The following FAM234A variants were observed in gnomAD, a reference collection of about 807,000 sequenced individuals.
The protein encoded by FAM234A is protein FAM234A.
Under a neutral mutation model 49.1 loss-of-function variants are expected in FAM234A, and 42 were observed. The observed-to-expected ratio is 0.86, with a 90% CI of 0.67 to 1.11. FAM234A has a LOEUF of 1.11. Among genes scored for constraint, FAM234A ranks in the 50% least tolerant of loss-of-function variants. The pLI is 0.00. For synonymous variants in FAM234A, 369 were observed against 316.2 expected, an observed-to-expected ratio of 1.17 and a Z score of -1.77; for missense variants, 815 against 745.2, an observed-to-expected ratio of 1.09 and a Z score of -1.09.
intron 1 of FAM234A, among the ~76,000 whole-genome samples, chr16:235,507 GGA>G (rs2050368638): frequency 1.3e-5 from 2 of 152,160 alleles, no homozygotes; most frequent in East Asian, 1.9e-4. Context: ...GAGTTGTCAA[GGA>G]GAGAGTTTGC....
At chr16:242,760 A>G (rs1282606001) in intron 1 of FAM234A, among the ~76,000 whole-genome samples, 1 of 151,356 alleles carries the variant, frequency 6.6e-6, no homozygotes, top group Non-Finnish European at 1.5e-5. Context: ...TTACTGATGC[A>G]CATCACCACG....
In FAM234A at chr16:265,515, T is replaced by C. The variant is rs2051663746; in HGVS notation, c.*493T>C. The C allele has an allele frequency of 3.0e-6, 3 of 986,980 alleles. No individual in the cohort carries two copies. Among genetic ancestry groups the C allele is most frequent in the East Asian group, 1.1e-4 (1 of 8,822 alleles). The allele number at this position is 986,980 out of a possible 1,614,324, so 61.1% of individuals were successfully genotyped here. On this transcript the variant is annotated 3_prime_UTR_variant, in exon 13 of 13. Coordinates refer to ENST00000399932, the MANE Select transcript of FAM234A (RefSeq NM_032039.4). ...CTGTGCTCTGTCCCCCAAGGAGTCATGGAACTCAGGGTACTGGGCCTCAAC... is the reference window on the plus strand; with the variant it reads ...CTGTGCTCTGTCCCCCAAGGAGTCACGGAACTCAGGGTACTGGGCCTCAAC...
At position 260,064 on chromosome 16, in the gene FAM234A, G is replaced by A. The variant is rs755440425; in HGVS notation, c.481G>A (p.Glu161Lys). Residue 161 changes from glutamate to lysine, a missense_variant, in exon 5 of 13, where the codon GAG becomes AAG. By Grantham distance (56) the Glu-to-Lys change is moderately conservative. Transcript: ENST00000399932. The part of the protein sequence containing the change: ...RPVAQDVALV[E>K]CAVPQPRGSE... Reference sequence around the variant, plus strand: ...TGTGGCCCAAGACGTGGCCCTCGTGGAGTGTGCTGTGCCCCAGCCAAGAGG... The same window carrying A: ...TGTGGCCCAAGACGTGGCCCTCGTGAAGTGTGCTGTGCCCCAGCCAAGAGG... 4 of 1,613,820 alleles carry A rather than the reference G, an allele frequency of 2.5e-6. No homozygotes were observed. In the South Asian group the frequency reaches 4.4e-5, roughly 18 times the overall value.
chr16:269,536 G>A, downstream of FAM234A: 1 of 1,613,404 alleles, frequency 6.2e-7, no homozygotes, highest in Non-Finnish European at 8.5e-7. Flanking sequence ...CCCAGCCTCT[G>A]CCAGGAGGGC....
intron 10 of FAM234A, 100 bp downstream of exon 10, chr16:263,875 A>T (rs1311050685): frequency 7.2e-7 from 1 of 1,387,130 alleles, no homozygotes; most frequent in African/African-American, 1.4e-5. Context: ...TGCTGCCGTC[A>T]GAGCTGCTGA....
chr16:266,409 C>T (rs75369951), downstream of FAM234A, among the ~76,000 whole-genome samples: 161 of 152,276 alleles, frequency 1.1e-3, 1 homozygote, highest in East Asian at 0.02. Flanking sequence ...CACCGCGTGA[C>T]GTCTGAGGGC....
rs527355886 is a variant in FAM234A, at chr16:236,353, A to G, written c.-140+1496A>G. The stretch of plus-strand genomic sequence containing the variant: ...TTAAAAATTTTTTTTGGGTGGGCGC[A>G]GTGGCTCATGCCTGTAATCCCAGCA... On this transcript the variant is annotated intron_variant, in intron 1 of 12. Transcript: ENST00000399932. Among the ~76,000 whole-genome samples the G allele has an allele frequency of 6.9e-4, 104 of 151,368 alleles. 1 individual carries two copies. Among genetic ancestry groups the G allele is most frequent in the Admixed American group, 2.2e-3 (34 of 15,200 alleles).
At chr16:245,095 C>T (rs1199891951) in intron 1 of FAM234A, among the ~76,000 whole-genome samples, 1 of 152,028 alleles carries the variant, frequency 6.6e-6, no homozygotes, top group African/African-American at 2.4e-5. Context: ...CTGGGCGTGG[C>T]CCACACTTTG....
chr16:267,043 T>C (rs1242766519), downstream of FAM234A, among the ~76,000 whole-genome samples: 1 of 152,068 alleles, frequency 6.6e-6, no homozygotes, highest in Non-Finnish European at 1.5e-5. Flanking sequence ...CCATTGCTGG[T>C]GGGCAGAAGT....
intron 11 of FAM234A, among the ~76,000 whole-genome samples, chr16:264,385 G>C (rs904927211): frequency 6.6e-6 from 1 of 152,254 alleles, no homozygotes; most frequent in Non-Finnish European, 1.5e-5. Context: ...GGTGGATAGG[G>C]GCGCACACAG....
chr16:259,595 C>T lies in FAM234A; in HGVS notation c.381C>T (p.Asp127=), dbSNP rs749916631. ...ACAATTTCAGCCGATCCTGTGTGGACGAAGGTAATTTCATTTTATATGAAA... is the reference window on the plus strand; with the variant it reads ...ACAATTTCAGCCGATCCTGTGTGGATGAAGGTAATTTCATTTTATATGAAA... ...SSNNFSRSCV[D]EGFSSPCTFA... Residue 127 remains aspartate, a synonymous_variant, in exon 4 of 13, where the codon GAC becomes GAT. Coordinates refer to ENST00000399932, the MANE Select transcript of FAM234A (RefSeq NM_032039.4). The T allele has an allele frequency of 2.1e-5, 33 of 1,580,038 alleles. No homozygotes were observed. Among genetic ancestry groups the T allele is most frequent in the Non-Finnish European group, 2.6e-5 (30 of 1,150,430 alleles).
intron 1 of FAM234A, among the ~76,000 whole-genome samples, chr16:237,079 A>T (rs8050592): frequency 0.69 from 102,806 of 149,274 alleles, 35,576 homozygotes; most frequent in African/African-American, 0.81. Flanking sequence ...GTATTTTTTT[A>T]AAAAAATATG....
intron 11 of FAM234A, 36 bp from the exon 12 acceptor site, chr16:264,578 G>C (rs770988353): frequency 4.3e-6 from 6 of 1,405,616 alleles, no homozygotes; most frequent in Non-Finnish European, 6.0e-6. Flanking sequence ...AGTGCTCAGT[G>C]AAGGGCGTGG....
intron 1 of FAM234A, among the ~76,000 whole-genome samples, chr16:241,275 GA>G (rs3074556): frequency 3.6e-4 from 53 of 147,242 alleles, no homozygotes; most frequent in East Asian, 3.3e-3. Context: ...CAAAAAGAAA[GA>G]AAAAAAAAAA....
intron 1 of FAM234A, among the ~76,000 whole-genome samples, chr16:241,694 G>A (rs939818442): frequency 2.6e-5 from 4 of 152,090 alleles, no homozygotes; most frequent in African/African-American, 4.8e-5. Flanking sequence ...GAGGCGGGCG[G>A]ATCACGAGGT....
At chr16:269,632 C>T (rs746717425), downstream of FAM234A, 3 of 1,402,026 alleles carry the variant, frequency 2.1e-6, no homozygotes. Context: ...CTCCTCACCT[C>T]TCAGCCAGCT....
intron 5 of FAM234A, chr16:260,873 A>G (rs527293465): frequency 2.4e-5 from 8 of 340,034 alleles, no homozygotes; most frequent in South Asian, 1.6e-4. Context: ...ACCTGTGGTC[A>G]GTAGATCTGC....
intron 1 of FAM234A, 32 bp downstream of exon 1, chr16:234,889 C>A (rs1307759057): frequency 3.3e-5 from 5 of 152,144 alleles, no homozygotes; most frequent in African/African-American, 1.2e-4. Context: ...CTCGCGCGTG[C>A]ACGCCGCAGG....
intron 1 of FAM234A, among the ~76,000 whole-genome samples, chr16:247,371 C>T (rs1055661019): frequency 2.6e-5 from 4 of 151,290 alleles, no homozygotes; most frequent in Non-Finnish European, 5.9e-5. Flanking sequence ...TCAAGCTTTC[C>T]ATGCGCCTCG....
Sources: gnomAD v4.1 joint callset for allele counts (sites outside exome capture counted in the v4.1 genomes callset) on GRCh38, gnomAD v4.1.1 for gene constraint, MANE v1.5 for transcripts, NCBI Gene and HGNC (gene_info 2026-07-23, HGNC 2026-07-21) for gene names.